Variants in GALNT10 observed in about 807,000 individuals in gnomAD.
GALNT10 encodes polypeptide N-acetylgalactosaminyltransferase 10, also known as GalNAc transferase 10.
GALNT10 carries 41 observed loss-of-function variants against 75.0 expected under a neutral mutation model. That is an observed-to-expected ratio of 0.55 (90% CI 0.43 to 0.71). The LOEUF is 0.71. GALNT10 is among the 30% of genes least tolerant of loss of function. GALNT10 has a pLI of 0.00. For missense variants in GALNT10, 727 were observed against 818.5 expected (o/e 0.89, Z 1.36); for synonymous variants, 302 against 313.0 (o/e 0.96, Z 0.37).
rs976515329 is a variant in GALNT10, at chr5:154,416,433, A to C, written c.1654-381A>C. Among the ~76,000 whole-genome samples, 3 of 151,014 alleles carry C rather than the reference A, an allele frequency of 2.0e-5. No individual in the cohort carries two copies. The stretch of plus-strand genomic sequence containing the variant: ...GGGTGACAGAGTGAGAACCTGTCTC[A>C]AAAAAATTAAAAAAATTAAAAAAAT... On this transcript the variant is annotated intron_variant, in intron 11 of 11. Transcript: ENST00000297107. The surrounding 1 kb of genome is among the most constrained non-coding windows in gnomAD (Gnocchi z 4.5).
intron 1 of GALNT10, among the ~76,000 whole-genome samples, chr5:154,293,613 A>ATATATT: frequency 9.1e-6 from 1 of 109,360 alleles, no homozygotes; most frequent in African/African-American, 4.2e-5. Flanking sequence ...ATATATATAT[A>ATATATT]TTTTTTTTTT....
chr5:154,250,363 A>G (rs577441417), intron 1 of GALNT10, among the ~76,000 whole-genome samples: 41 of 152,304 alleles, frequency 2.7e-4, no homozygotes, highest in African/African-American at 9.9e-4. Flanking sequence ...TTCAGCTGCA[A>G]GTGATGGAAG....
chr5:154,212,661 G>A (rs1373858532), intron 1 of GALNT10, among the ~76,000 whole-genome samples: 2 of 152,176 alleles, frequency 1.3e-5, no homozygotes, highest in African/African-American at 4.8e-5. Context: ...CAGCTTGTAA[G>A]TGAGTGGTTA....
Position 154,397,122 on chromosome 5 carries a change from G to A in GALNT10, c.1057-6982G>A, listed in dbSNP as rs1157293055. ...ATCCTGGGCAACAGAGCAAGACTCC[G>A]TCTCAAAAAAAAAAAAAATACAGCT... is the stretch of plus-strand genomic sequence containing the variant. On this transcript the variant is annotated intron_variant, in intron 7 of 11. Coordinates refer to ENST00000297107, the MANE Select transcript of GALNT10 (RefSeq NM_198321.4). Among the ~76,000 whole-genome samples, 8 of 108,576 alleles carry A rather than the reference G, an allele frequency of 7.4e-5. No individual in the cohort carries two copies. The South Asian group carries it at 8.4e-4, about 11-fold the overall frequency. 71.2% of individuals were successfully genotyped at this position (108,576 alleles called of 152,430 possible). A position where few individuals can be genotyped will look rare whatever the true frequency, so the allele number is the denominator to read the frequency against.
intron 8 of GALNT10, among the ~76,000 whole-genome samples, chr5:154,408,032 G>C (rs1267911292): frequency 6.6e-6 from 1 of 152,166 alleles, no homozygotes; most frequent in Non-Finnish European, 1.5e-5. Context: ...TAAATCATTA[G>C]AGGGAATGGG....
chr5:154,378,699 G>T (rs114452287), intron 5 of GALNT10, among the ~76,000 whole-genome samples: 1,837 of 152,304 alleles, frequency 0.012, 16 homozygotes, highest in South Asian at 0.029. Context: ...TCTTATCGAA[G>T]ATTATACTGC....
chr5:154,258,435 T>C (rs1753648462), intron 1 of GALNT10, among the ~76,000 whole-genome samples: 1 of 152,206 alleles, frequency 6.6e-6, no homozygotes, highest in Non-Finnish European at 1.5e-5. Context: ...CCTAAATCAG[T>C]AGACTTGGCA....
At chr5:154,393,928 G>A (rs972316427) in intron 7 of GALNT10, among the ~76,000 whole-genome samples, 1 of 152,202 alleles carries the variant, frequency 6.6e-6, no homozygotes, top group Non-Finnish European at 1.5e-5. Flanking sequence ...GCACATTGTT[G>A]GGGCCATTTG....
chr5:154,399,317 C>T (rs527792860), intron 7 of GALNT10, among the ~76,000 whole-genome samples: 9 of 152,314 alleles, frequency 5.9e-5, no homozygotes, highest in African/African-American at 1.7e-4. Flanking sequence ...CCCCCTAGCC[C>T]GTCCTTGGAA....
chr5:154,195,610 C>T (rs1390640911), intron 1 of GALNT10, among the ~76,000 whole-genome samples: 2 of 152,224 alleles, frequency 1.3e-5, no homozygotes, highest in Non-Finnish European at 2.9e-5. Context: ...AGTCCAATCT[C>T]CTCAATTTGT....
chr5:154,356,429 G>A (rs1755299792), intron 4 of GALNT10: 2 of 292,272 alleles, frequency 6.8e-6, no homozygotes, highest in South Asian at 2.9e-5. Flanking sequence ...CAGGGCTGGG[G>A]GAGGGAGCCT....
intron 1 of GALNT10, among the ~76,000 whole-genome samples, chr5:154,204,023 G>A (rs4958363): frequency 0.44 from 67,181 of 152,124 alleles, 15,730 homozygotes; most frequent in East Asian, 0.78. Context: ...TCAGCAAGCT[G>A]GATTGCCAGG....
At chr5:154,318,132 A>G (rs1266495457) in intron 3 of GALNT10, among the ~76,000 whole-genome samples, 2 of 152,252 alleles carry the variant, frequency 1.3e-5, no homozygotes, top group Non-Finnish European at 2.9e-5. Flanking sequence ...AAGGCAAGGA[A>G]TGAGTCAGCT....
intron 4 of GALNT10, among the ~76,000 whole-genome samples, chr5:154,362,689 A>G (rs781596397): frequency 5.3e-5 from 8 of 152,260 alleles, no homozygotes; most frequent in Non-Finnish European, 8.8e-5. Flanking sequence ...CAGTTCAACT[A>G]TTTCTCCAAT....
chr5:154,247,880 G>C (rs1753455004), intron 1 of GALNT10, among the ~76,000 whole-genome samples: 1 of 152,150 alleles, frequency 6.6e-6, no homozygotes. Flanking sequence ...GGGCATCCCT[G>C]TCTTGTGGCA....
At chr5:154,216,596 T>C (rs879740472) in intron 1 of GALNT10, among the ~76,000 whole-genome samples, 1 of 152,230 alleles carries the variant, frequency 6.6e-6, no homozygotes, top group South Asian at 2.1e-4. Flanking sequence ...ATAAATGTTA[T>C]TAATTTGAAA....
At chr5:154,324,197 C>A (rs565063748) in intron 3 of GALNT10, among the ~76,000 whole-genome samples, 1 of 152,304 alleles carries the variant, frequency 6.6e-6, no homozygotes, top group South Asian at 2.1e-4. Flanking sequence ...TCTGTCAGTG[C>A]TGAGTGATAA....
chr5:154,203,283 A>T (rs1248371930), intron 1 of GALNT10, among the ~76,000 whole-genome samples: 1 of 151,994 alleles, frequency 6.6e-6, no homozygotes, highest in African/African-American at 2.4e-5. Flanking sequence ...AGTCTCCGTG[A>T]TGTGTGTCTC....
intron 1 of GALNT10, among the ~76,000 whole-genome samples, chr5:154,253,894 T>C (rs1327196963): frequency 1.3e-5 from 2 of 152,108 alleles, no homozygotes; most frequent in African/African-American, 4.8e-5. Context: ...CAGGTCTTGA[T>C]CCGCCCTAGA....
Sources: gnomAD v4.1 joint callset for allele counts (sites outside exome capture counted in the v4.1 genomes callset) on GRCh38, gnomAD v4.1.1 for gene constraint, Gnocchi (gnomAD v3.1) non-coding constraint, MANE v1.5 for transcripts, NCBI Gene and HGNC (gene_info 2026-07-23, HGNC 2026-07-21) for gene names.